CADPS: variants seen among roughly 807,000 people sequenced by gnomAD.
CADPS encodes calcium dependent secretion activator, also known as calcium-dependent secretion activator 1.
CADPS carries 57 observed loss-of-function variants against 167.3 expected under a neutral mutation model. The observed-to-expected ratio is 0.34, with a 90% confidence interval of 0.28 to 0.42. The LOEUF (loss-of-function observed/expected upper bound fraction) is 0.42, where lower values mean the gene tolerates loss of function less well. CADPS is among the 20% of genes least tolerant of loss of function. CADPS has a pLI of 1.00. For missense variants in CADPS, 1,414 were observed against 1,738.1 expected (o/e 0.81, Z 3.32); for synonymous variants, 676 against 635.3 (o/e 1.06, Z -0.96).
chr3:62,637,177 G>A lies in CADPS; in HGVS notation c.1325+8545C>T, dbSNP rs116308322. Among the ~76,000 whole-genome samples, 685 of 152,234 alleles carry A rather than the reference G, an allele frequency of 4.5e-3. 1 individual carries two copies. The highest frequency in any genetic ancestry group is 6.2e-3 in the Non-Finnish European group (424 of 67,998). On this transcript the variant is annotated intron_variant, in intron 6 of 29. Transcript: ENST00000383710. ...TGATTTTCAACAACAACCCGATGGG[G>A]CAGTTGTGTCTTGTCTCTCTTTCAA...
chr3:62,567,957 G>A (rs1364626668), intron 9 of CADPS, among the ~76,000 whole-genome samples: 5 of 152,088 alleles, frequency 3.3e-5, no homozygotes, highest in African/African-American at 1.2e-4. Context: ...TACCTTCCCA[G>A]TATCCATTTC....
chr3:62,600,387 A>G (rs1308717930), intron 6 of CADPS, among the ~76,000 whole-genome samples: 5 of 152,180 alleles, frequency 3.3e-5, no homozygotes, highest in Non-Finnish European at 7.3e-5. Flanking sequence ...TTCAGCCACA[A>G]GCACATAAGC....
At chr3:62,437,483 T>G (rs191739207) in intron 28 of CADPS, among the ~76,000 whole-genome samples, 55 of 152,094 alleles carry the variant, frequency 3.6e-4, no homozygotes, top group African/African-American at 1.3e-3. Flanking sequence ...CGCAGCCCAA[T>G]GTACTCATTC....
chr3:62,752,750 T>C (rs186234), intron 3 of CADPS, among the ~76,000 whole-genome samples: 144,896 of 152,318 alleles, frequency 0.95, 68,998 homozygotes, highest in East Asian at 1. Flanking sequence ...CATTTTTAAA[T>C]TGCTCCTAAG....
At chr3:62,836,330 C>T (rs949430308) in intron 1 of CADPS, among the ~76,000 whole-genome samples, 1 of 152,180 alleles carries the variant, frequency 6.6e-6, no homozygotes, top group African/African-American at 2.4e-5. Flanking sequence ...TCCTTCTATT[C>T]TAAGCCAGAA....
At chr3:62,700,284 G>C (rs1174970429) in intron 3 of CADPS, among the ~76,000 whole-genome samples, 1 of 152,102 alleles carries the variant, frequency 6.6e-6, no homozygotes, top group Non-Finnish European at 1.5e-5. Context: ...CTGGCGACAT[G>C]CTTCTAAGGA....
At chr3:62,548,053 C>T (rs751243923) in intron 11 of CADPS, among the ~76,000 whole-genome samples, 19 of 152,160 alleles carry the variant, frequency 1.2e-4, no homozygotes, top group Admixed American at 3.3e-4. Flanking sequence ...CAAATATCAC[C>T]TGAGATACAT....
intron 3 of CADPS, among the ~76,000 whole-genome samples, chr3:62,715,440 G>A (rs2084327705): frequency 6.7e-6 from 1 of 148,566 alleles, no homozygotes; most frequent in Non-Finnish European, 1.5e-5. Context: ...TTTTTGCTGG[G>A]GAATTAAACA....
At chr3:62,422,473 CCTTT>C (rs2051641748) in intron 28 of CADPS, among the ~76,000 whole-genome samples, 1 of 151,886 alleles carries the variant, frequency 6.6e-6, no homozygotes, top group Non-Finnish European at 1.5e-5. Context: ...TTTCTTTTCT[CCTTT>C]CTTCCTTCCT....
chr3:62,778,151 T>C (rs946036687), intron 1 of CADPS, among the ~76,000 whole-genome samples: 2 of 152,232 alleles, frequency 1.3e-5, no homozygotes, highest in Admixed American at 6.5e-5. Flanking sequence ...TTTCCTCAGG[T>C]TGAGTGACGC....
chr3:62,437,007 CAT>C (rs1271469780), intron 28 of CADPS, among the ~76,000 whole-genome samples: 1 of 151,806 alleles, frequency 6.6e-6, no homozygotes, highest in Non-Finnish European at 1.5e-5. Flanking sequence ...AACACACACA[CAT>C]ACACACACAC....
chr3:62,400,646 C>A (rs1575534606), intron 29 of CADPS, among the ~76,000 whole-genome samples: 1 of 148,010 alleles, frequency 6.8e-6, no homozygotes, highest in Admixed American at 6.8e-5. Context: ...GTCACCCAGG[C>A]TGGAGTGCAG....
At chr3:62,635,874 C>T (rs193170611) in intron 6 of CADPS, among the ~76,000 whole-genome samples, 15 of 152,280 alleles carry the variant, frequency 9.9e-5, no homozygotes, top group African/African-American at 3.6e-4. Context: ...ATTTATTAAT[C>T]ATCTTTACAT....
chr3:62,655,278 C>G (rs935020476), intron 4 of CADPS, among the ~76,000 whole-genome samples: 2 of 152,160 alleles, frequency 1.3e-5, no homozygotes, highest in South Asian at 2.1e-4. Flanking sequence ...CATTTCAAAG[C>G]TGAACTTGTG....
chr3:62,411,784 G>A (rs137899755), intron 28 of CADPS, among the ~76,000 whole-genome samples: 29 of 152,288 alleles, frequency 1.9e-4, no homozygotes, highest in Admixed American at 3.9e-4. Context: ...ACTAAAGGAC[G>A]GCACGCAGTT....
intron 3 of CADPS, among the ~76,000 whole-genome samples, chr3:62,704,843 A>G (rs1435222785): frequency 6.6e-6 from 1 of 152,112 alleles, no homozygotes; most frequent in Non-Finnish European, 1.5e-5. Context: ...TTTTCTGACA[A>G]CTTTCCAAAT....
intron 1 of CADPS, among the ~76,000 whole-genome samples, chr3:62,872,142 C>T (rs1162175661): frequency 6.6e-6 from 1 of 152,066 alleles, no homozygotes; most frequent in Non-Finnish European, 1.5e-5. Context: ...CTAGTTCATC[C>T]TTTTCTATTC....
chr3:62,550,397 C>T (rs1484654841), intron 10 of CADPS, among the ~76,000 whole-genome samples: 1 of 152,072 alleles, frequency 6.6e-6, no homozygotes, highest in African/African-American at 2.4e-5. Flanking sequence ...TATAAACATA[C>T]TATTTTCTCC....
intron 4 of CADPS, among the ~76,000 whole-genome samples, chr3:62,652,946 A>G (rs1202500322): frequency 2.0e-5 from 3 of 152,092 alleles, no homozygotes. Flanking sequence ...CTTCTTCTCC[A>G]TAGAGCTTGG....
Sources: gnomAD v4.1 joint callset for allele counts (sites outside exome capture counted in the v4.1 genomes callset) on GRCh38, gnomAD v4.1.1 for gene constraint, MANE v1.5 for transcripts, NCBI Gene and HGNC (gene_info 2026-07-23, HGNC 2026-07-21) for gene names.